Variants in SCOC observed in about 807,000 individuals in gnomAD.
The protein encoded by SCOC is short coiled-coil protein, also known as short coiled coil protein.
SCOC carries 7 observed loss-of-function variants against 9.9 expected under a neutral mutation model. That is an observed-to-expected ratio of 0.71 (90% confidence interval 0.40 to 1.33). The LOEUF (loss-of-function observed/expected upper bound fraction) is 1.33. SCOC is among the 40% of genes most tolerant of loss of function. SCOC has a pLI of 0.01. For synonymous variants in SCOC, 19 were observed against 28.2 expected, an observed-to-expected ratio of 0.67 and a Z score of 1.03; for missense variants, 66 against 89.7, an observed-to-expected ratio of 0.74 and a Z score of 1.07.
chr4:140,285,038 A>G (rs1428775555), intron 1 of SCOC: 8 of 375,886 alleles, frequency 2.1e-5, no homozygotes, highest in Non-Finnish European at 3.2e-5. Flanking sequence ...ACTGTGTGCC[A>G]GCCATTGTGT....
chr4:140,318,956 C>G (rs529740249), intron 1 of SCOC, among the ~76,000 whole-genome samples: 99 of 152,212 alleles, frequency 6.5e-4, no homozygotes, highest in Admixed American at 1.8e-3. Context: ...GTGCAGGAAC[C>G]TTTTTTCTAC....
chr4:140,266,039 T>C (rs910403561), intron 1 of SCOC, among the ~76,000 whole-genome samples: 3 of 152,212 alleles, frequency 2.0e-5, no homozygotes, highest in Admixed American at 2.0e-4. Flanking sequence ...GCTCCTGCTC[T>C]CTGCTGGGTA....
At chr4:140,373,235 G>T, upstream of SCOC, 2 of 1,174,374 alleles carry the variant, frequency 1.7e-6, no homozygotes, top group Non-Finnish European at 2.1e-6. Flanking sequence ...TCTCGAACTT[G>T]AATGACTTCT....
chr4:140,347,577 G>A (rs750131760), intron 2 of SCOC, among the ~76,000 whole-genome samples: 3 of 152,052 alleles, frequency 2.0e-5, no homozygotes, highest in African/African-American at 4.8e-5. Flanking sequence ...CTTGGCTACT[G>A]TTCTCTCTCT....
chr4:140,290,343 C>T (rs1313389826), intron 1 of SCOC, among the ~76,000 whole-genome samples: 1 of 152,218 alleles, frequency 6.6e-6, no homozygotes, highest in Non-Finnish European at 1.5e-5. Flanking sequence ...CTTTCTTCAG[C>T]TGGTCACTTG....
intron 1 of SCOC, among the ~76,000 whole-genome samples, chr4:140,269,586 G>C (rs1465975252): frequency 6.6e-6 from 1 of 152,116 alleles, no homozygotes; most frequent in Non-Finnish European, 1.5e-5. Context: ...TGAAACGGAA[G>C]ATTGACTAGC....
At chr4:140,258,023 C>T (rs1301512542) in intron 1 of SCOC, among the ~76,000 whole-genome samples, 17 of 152,204 alleles carry the variant, frequency 1.1e-4, no homozygotes, top group Admixed American at 1.1e-3. Context: ...CTCTTCTTTC[C>T]ACTGCTGACT....
intron 1 of SCOC, among the ~76,000 whole-genome samples, chr4:140,300,385 C>G (rs1164365436): frequency 6.6e-6 from 1 of 152,178 alleles, no homozygotes; most frequent in African/African-American, 2.4e-5. Flanking sequence ...GGCAGCCTTA[C>G]AGGGTTCTTA....
rs766743040 is a variant in SCOC at position 140,380,916 on chromosome 4, A to C, written c.107-46A>C. Reference sequence around the variant, plus strand: ...CCTAAGAATTTTGTAATATGGAATCATTGTCATTGTTTTATTGATAATGGG... The same window carrying C: ...CCTAAGAATTTTGTAATATGGAATCCTTGTCATTGTTTTATTGATAATGGG... On this transcript the variant is annotated intron_variant, in intron 3 of 3. Coordinates refer to ENST00000608372, the MANE Select transcript of SCOC (RefSeq NM_001153484.2). The C allele has an allele frequency of 2.2e-6, 3 of 1,344,412 alleles. No homozygotes were observed. In the South Asian group the frequency reaches 4.5e-5, roughly 20 times the overall value. The allele number at this position is 1,344,412 out of a possible 1,614,324, so 83.3% of individuals were successfully genotyped here.
At chr4:140,365,924 C>G (rs1413727823) in intron 2 of SCOC, among the ~76,000 whole-genome samples, 1 of 152,152 alleles carries the variant, frequency 6.6e-6, no homozygotes, top group Non-Finnish European at 1.5e-5. Context: ...AAAAGTTATA[C>G]ATGGATTTTC....
intron 2 of SCOC, among the ~76,000 whole-genome samples, chr4:140,354,959 C>T (rs538532036): frequency 1.3e-5 from 2 of 151,994 alleles, no homozygotes; most frequent in African/African-American, 4.8e-5. Flanking sequence ...CCACACTTTA[C>T]TAACTAGTCA....
chr4:140,345,810 A>G (rs1460249596), intron 2 of SCOC, among the ~76,000 whole-genome samples: 1 of 152,218 alleles, frequency 6.6e-6, no homozygotes, highest in Non-Finnish European at 1.5e-5. Context: ...GCACAGAGCC[A>G]ATTAGAGGCA....
intron 1 of SCOC, among the ~76,000 whole-genome samples, chr4:140,302,974 C>T (rs911894002): frequency 6.0e-5 from 9 of 149,476 alleles, no homozygotes; most frequent in Non-Finnish European, 1.3e-4. Flanking sequence ...AATTTACTTG[C>T]ACCCAAGTGA....
At chr4:140,334,946 TAAATA>T (rs1345630324) in intron 1 of SCOC, among the ~76,000 whole-genome samples, 1 of 151,972 alleles carries the variant, frequency 6.6e-6, no homozygotes, top group Non-Finnish European at 1.5e-5. Flanking sequence ...AAAAATAAAA[TAAATA>T]AAATAAAAAA....
intron 1 of SCOC, among the ~76,000 whole-genome samples, chr4:140,305,306 G>T (rs1356757363): frequency 6.6e-6 from 1 of 152,174 alleles, no homozygotes; most frequent in African/African-American, 2.4e-5. Context: ...CTTTCTAGCT[G>T]AGGAAGTTTG....
upstream of SCOC, among the ~76,000 whole-genome samples, chr4:140,340,222 T>G (rs1443419394): frequency 6.6e-6 from 1 of 152,104 alleles, no homozygotes; most frequent in African/African-American, 2.4e-5. Flanking sequence ...ACACCTCATG[T>G]TGTCACTCAT....
At chr4:140,275,078 T>C (rs756362259) in intron 1 of SCOC, among the ~76,000 whole-genome samples, 1 of 152,226 alleles carries the variant, frequency 6.6e-6, no homozygotes, top group Non-Finnish European at 1.5e-5. Context: ...TAAAACGTAA[T>C]CGTAGGTTCA....
At chr4:140,340,608 A>C (rs1188082735), upstream of SCOC, among the ~76,000 whole-genome samples, 1 of 152,032 alleles carries the variant, frequency 6.6e-6, no homozygotes, top group Non-Finnish European at 1.5e-5. Flanking sequence ...AAAAGAAATC[A>C]ATAGCCTAAG....
upstream of SCOC, among the ~76,000 whole-genome samples, chr4:140,368,688 G>A (rs1366002475): frequency 6.6e-6 from 1 of 152,080 alleles, no homozygotes; most frequent in East Asian, 1.9e-4. Flanking sequence ...TAAGAGCGAG[G>A]GTATAGTAAT....
Sources: gnomAD v4.1 joint callset for allele counts (sites outside exome capture counted in the v4.1 genomes callset) on GRCh38, gnomAD v4.1.1 for gene constraint, MANE v1.5 for transcripts, NCBI Gene and HGNC (gene_info 2026-07-23, HGNC 2026-07-21) for gene names.